Variants in TAFA2 observed in about 807,000 individuals in gnomAD.
TAFA2 encodes TAFA chemokine like family member 2.
Under a neutral mutation model 18.8 loss-of-function variants are expected in TAFA2, and 7 were observed. That is an observed-to-expected ratio of 0.37 (90% CI 0.21 to 0.70). TAFA2 has a LOEUF of 0.70. Ranked by LOEUF, TAFA2 falls within the 30% of genes least tolerant of loss-of-function variation. The probability of loss-of-function intolerance (pLI) is 0.53; values close to 1 mark genes in which losing one functional copy is unlikely to be tolerated. For synonymous variants in TAFA2, 60 were observed against 54.2 expected (o/e 1.11, Z -0.47); for missense variants, 122 against 158.1 (o/e 0.77, Z 1.23).
At chr12:61,862,903 T>A (rs1874186657) in intron 2 of TAFA2, among the ~76,000 whole-genome samples, 1 of 152,190 alleles carries the variant, frequency 6.6e-6, no homozygotes, top group Non-Finnish European at 1.5e-5. Context: ...AACATCCCAT[T>A]TTATGTATTT....
chr12:62,235,483 C>A, intron 1 of TAFA2: 1 of 600,256 alleles, frequency 1.7e-6, no homozygotes, highest in Middle Eastern at 2.8e-4. Context: ...TCCCAGCTTC[C>A]TGCTCCTTCT....
At chr12:62,201,012 G>A (rs1307995633) in intron 1 of TAFA2, among the ~76,000 whole-genome samples, 4 of 152,038 alleles carry the variant, frequency 2.6e-5, no homozygotes, top group Admixed American at 6.6e-5. Flanking sequence ...CAATTGTAAT[G>A]GGAATTCATT....
chr12:61,785,319 TTGTG>T (rs57166010), intron 2 of TAFA2, among the ~76,000 whole-genome samples: 7,619 of 140,126 alleles, frequency 0.054, 299 homozygotes, highest in African/African-American at 0.11. Flanking sequence ...AATAGTATTC[TTGTG>T]TGTGTGTGTG....
At chr12:61,725,209 AG>A (rs1430168367) in intron 4 of TAFA2, among the ~76,000 whole-genome samples, 1 of 152,052 alleles carries the variant, frequency 6.6e-6, no homozygotes, top group African/African-American at 2.4e-5. Context: ...ATAGTTTGCA[AG>A]TATTGTCTCC....
At chr12:62,022,856 G>C (rs1316786959) in intron 1 of TAFA2, among the ~76,000 whole-genome samples, 2 of 152,198 alleles carry the variant, frequency 1.3e-5, no homozygotes, top group East Asian at 1.9e-4. Flanking sequence ...GTGTATACCA[G>C]CAAGTAGTTC....
At chr12:62,113,446 TCAGGAGGCA>T in intron 1 of TAFA2, among the ~76,000 whole-genome samples, 1 of 152,208 alleles carries the variant, frequency 6.6e-6, no homozygotes, top group African/African-American at 2.4e-5. Flanking sequence ...TGTCTCCCAG[TCAGGAGGCA>T]CAGGAGGCAC....
At chr12:62,046,937 G>A (rs1881924648) in intron 1 of TAFA2, among the ~76,000 whole-genome samples, 1 of 151,728 alleles carries the variant, frequency 6.6e-6, no homozygotes, top group South Asian at 2.1e-4. Context: ...GGGTACATGT[G>A]CAGGTTGTTA....
chr12:62,045,444 G>A (rs930887737), intron 1 of TAFA2, among the ~76,000 whole-genome samples: 3 of 152,092 alleles, frequency 2.0e-5, no homozygotes, highest in Non-Finnish European at 2.9e-5. Flanking sequence ...TTCATCACAC[G>A]ATGCACGTAG....
intron 1 of TAFA2, among the ~76,000 whole-genome samples, chr12:61,941,647 C>G (rs867597635): frequency 3.8e-4 from 58 of 152,308 alleles, no homozygotes; most frequent in Admixed American, 1.8e-3. Context: ...CTGGGAAGCG[C>G]AAGGGGTCAG....
intron 1 of TAFA2, among the ~76,000 whole-genome samples, chr12:62,108,488 T>C (rs1869566141): frequency 6.6e-6 from 1 of 152,212 alleles, no homozygotes; most frequent in East Asian, 1.9e-4. Context: ...TTATAATCCT[T>C]TGGGTACATA....
intron 1 of TAFA2, among the ~76,000 whole-genome samples, chr12:62,239,974 T>TA (rs2062854748): frequency 6.6e-6 from 1 of 151,990 alleles, no homozygotes; most frequent in Non-Finnish European, 1.5e-5. Flanking sequence ...CTCTCAACAT[T>TA]ACTAAAGATC....
chr12:61,776,188 A>G (rs1414328090), intron 2 of TAFA2: 2 of 308,058 alleles, frequency 6.5e-6, no homozygotes, highest in South Asian at 3.4e-5. Context: ...AAAAGAATTA[A>G]TGTGTGTATT....
intron 1 of TAFA2, among the ~76,000 whole-genome samples, chr12:62,002,880 C>T (rs1339066230): frequency 6.6e-6 from 1 of 152,138 alleles, no homozygotes; most frequent in East Asian, 1.9e-4. Context: ...CTTATTCCTT[C>T]CAGTACATCA....
At chr12:62,065,152 C>A (rs923935450) in intron 1 of TAFA2, among the ~76,000 whole-genome samples, 3 of 151,950 alleles carry the variant, frequency 2.0e-5, no homozygotes, top group Admixed American at 6.6e-5. Flanking sequence ...ATAGTACAAG[C>A]ATTTTCTGCA....
intron 1 of TAFA2, chr12:61,879,952 G>A: frequency 2.2e-6 from 2 of 889,230 alleles, no homozygotes; most frequent in Non-Finnish European, 3.8e-6. Context: ...AGGTAGAGCT[G>A]GAGTCTCACC....
chr12:61,982,957 C>T (rs552922672), intron 1 of TAFA2, among the ~76,000 whole-genome samples: 3 of 149,660 alleles, frequency 2.0e-5, no homozygotes, highest in South Asian at 4.2e-4. Flanking sequence ...CTTTAATTCC[C>T]TTCTTCATCC....
chr12:61,899,940 C>T (rs1876024213), intron 1 of TAFA2, among the ~76,000 whole-genome samples: 1 of 152,154 alleles, frequency 6.6e-6, no homozygotes, highest in Non-Finnish European at 1.5e-5. Flanking sequence ...TTATAGCAGA[C>T]ACCTGAGCAT....
chr12:62,111,709 T>C (rs1869738931), intron 1 of TAFA2, among the ~76,000 whole-genome samples: 1 of 152,232 alleles, frequency 6.6e-6, no homozygotes, highest in Non-Finnish European at 1.5e-5. Flanking sequence ...AGTTAGCTCT[T>C]CTTGTTGAAT....
intron 2 of TAFA2, among the ~76,000 whole-genome samples, chr12:61,858,232 G>A (rs1421284087): frequency 6.6e-6 from 1 of 152,110 alleles, no homozygotes; most frequent in African/African-American, 2.4e-5. Flanking sequence ...ACAAGTGTCT[G>A]GTGATACTAT....
Sources: gnomAD v4.1 joint callset for allele counts (sites outside exome capture counted in the v4.1 genomes callset) on GRCh38, gnomAD v4.1.1 for gene constraint, MANE v1.5 for transcripts, NCBI Gene and HGNC (gene_info 2026-07-23, HGNC 2026-07-21) for gene names.